The following UNC13C variants were observed in gnomAD, a reference collection of about 807,000 sequenced individuals.
UNC13C encodes the protein protein unc-13 homolog C.
Under a neutral mutation model 245.4 loss-of-function variants are expected in UNC13C, and 174 were observed. That is an observed-to-expected ratio of 0.71 (90% CI 0.63 to 0.80). The LOEUF (loss-of-function observed/expected upper bound fraction) is 0.80, where lower values mean the gene tolerates loss of function less well. UNC13C is among the 30% of genes least tolerant of loss of function. UNC13C has a pLI of 0.00. For missense variants in UNC13C, 2,829 were observed against 2,602.9 expected, an observed-to-expected ratio of 1.09 and a Z score of -1.89; for synonymous variants, 992 against 895.1, an observed-to-expected ratio of 1.11 and a Z score of -1.93.
intron 13 of UNC13C, among the ~76,000 whole-genome samples, chr15:54,308,390 A>G (rs2037780640): frequency 1.3e-5 from 2 of 151,944 alleles, no homozygotes; most frequent in African/African-American, 4.8e-5. Flanking sequence ...AAATTGATTG[A>G]TAAAATTTTA....
intron 13 of UNC13C, among the ~76,000 whole-genome samples, chr15:54,301,927 T>C (rs2037594651): frequency 6.6e-6 from 1 of 152,194 alleles, no homozygotes; most frequent in South Asian, 2.1e-4. Flanking sequence ...CATTCCTATT[T>C]CTCCACATCC....
At chr15:54,148,636 C>T (rs1444228243) in intron 4 of UNC13C, among the ~76,000 whole-genome samples, 2 of 152,166 alleles carry the variant, frequency 1.3e-5, no homozygotes, top group Admixed American at 1.3e-4. Flanking sequence ...CCTAACTTTT[C>T]TCATTGCAGC....
Position 54,250,233 on chromosome 15 carries a change from C to T in UNC13C, c.3237C>T (p.His1079=), listed in dbSNP as rs373479652. ...TSLNNEELKM[H]VFKKTLQALI... is the part of the protein sequence containing the mutation. The stretch of plus-strand genomic sequence containing the variant: ...TTCTCTCATGTTCACAGAAAATGCA[C>T]GTCTTCAAGAAGACCTTGCAGGCAC... The change falls in exon 8 of 33, where the codon CAC becomes CAT. Residue 1079 remains histidine (H), a synonymous_variant. Coordinates refer to ENST00000260323, the MANE Select transcript of UNC13C (RefSeq NM_001080534.3). 1.3e-5 allele frequency: 21 copies of T among 1,613,814 alleles called. No individual in the cohort carries two copies. Among genetic ancestry groups the T allele is most frequent in the South Asian group, 4.4e-5 (4 of 91,072 alleles).
the UNC13C span, among the ~76,000 whole-genome samples, chr15:53,928,265 A>C: frequency 3.9e-5 from 6 of 152,206 alleles, no homozygotes; most frequent in Non-Finnish European, 8.8e-5. Context: ...AATTAACTAA[A>C]AGTATCCCTT....
chr15:54,385,158 G>A (rs1472232397), intron 17 of UNC13C, among the ~76,000 whole-genome samples: 1 of 152,082 alleles, frequency 6.6e-6, no homozygotes, highest in Non-Finnish European at 1.5e-5. Context: ...ATTTATTGCA[G>A]CATTATTCAC....
the UNC13C span, among the ~76,000 whole-genome samples, chr15:53,910,486 G>A: frequency 2.0e-5 from 3 of 146,858 alleles, 1 homozygote; most frequent in Non-Finnish European, 4.6e-5. Context: ...CTGTGCACAA[G>A]AGACATGGCT....
chr15:54,294,462 G>A lies in UNC13C; in HGVS notation c.3988+398G>A, dbSNP rs565825064. ...GAAATTTTGGCAATGAAGGAAAAAT[G>A]TATTTTGAATTGCTTTCAAATGACG... On this transcript the variant is annotated intron_variant, in intron 11 of 32. Coordinates refer to ENST00000260323, the MANE Select transcript of UNC13C (RefSeq NM_001080534.3). Among the ~76,000 whole-genome samples the A allele has an allele frequency of 4.6e-5, 7 of 152,144 alleles. No individual in the cohort carries two copies. In the East Asian group the frequency reaches 1.4e-3, roughly 29 times the overall value.
chr15:54,532,964 T>C lies in UNC13C; in HGVS notation c.5594T>C (p.Leu1865Pro), dbSNP rs1159199177. 6.3e-7 allele frequency: 1 copy of C among 1,594,338 alleles called. No individual in the cohort carries two copies. Among genetic ancestry groups the C allele is most frequent in the Non-Finnish European group, 8.6e-7 (1 of 1,167,294 alleles). The change falls in exon 26 of 33, where the codon CTA becomes CCA. Residue 1865 changes from leucine to proline, a missense_variant. Leu to Pro is a moderately conservative substitution (Grantham distance 98, BLOSUM62 -3). Coordinates refer to ENST00000260323, the MANE Select transcript of UNC13C (RefSeq NM_001080534.3). ...TGTATAAAACAGATGAGTTTCGAAC[T>C]AAATCAAATGAGAGCAAATGGAAAC... ...EECIKQMSFE[L>P]NQMRANGNTT... is the part of the protein sequence containing the mutation.
At chr15:54,284,148 A>C (rs1390510286) in intron 10 of UNC13C, among the ~76,000 whole-genome samples, 2 of 152,206 alleles carry the variant, frequency 1.3e-5, no homozygotes, top group Admixed American at 6.5e-5. Context: ...GAAAGAACAC[A>C]TATCGCCACT....
At chr15:54,462,572 C>T (rs907444757) in intron 19 of UNC13C, among the ~76,000 whole-genome samples, 2 of 152,196 alleles carry the variant, frequency 1.3e-5, no homozygotes, top group Middle Eastern at 3.2e-3. Flanking sequence ...CCCCCGGCCC[C>T]GGGGAGTGAG....
intron 8 of UNC13C, among the ~76,000 whole-genome samples, chr15:54,257,904 G>T (rs1435225455): frequency 6.6e-6 from 1 of 152,136 alleles, no homozygotes; most frequent in Non-Finnish European, 1.5e-5. Flanking sequence ...GGTAGGGAAT[G>T]GCAACTGAAT....
chr15:54,122,699 T>C (rs1461302316), intron 2 of UNC13C, among the ~76,000 whole-genome samples: 2 of 152,096 alleles, frequency 1.3e-5, no homozygotes, highest in Non-Finnish European at 2.9e-5. Context: ...TTGCTTGATC[T>C]TGAATTTCAA....
chr15:54,005,633 G>T (rs1031553663), intron 1 of UNC13C, among the ~76,000 whole-genome samples: 3 of 152,162 alleles, frequency 2.0e-5, no homozygotes, highest in Non-Finnish European at 4.4e-5. Context: ...AAATATCATG[G>T]TTCAGACTAT....
At chr15:54,266,101 A>C (rs2036543621) in intron 10 of UNC13C, among the ~76,000 whole-genome samples, 8 of 152,058 alleles carry the variant, frequency 5.3e-5, no homozygotes, top group African/African-American at 1.9e-4. Flanking sequence ...TGGTAGAAGT[A>C]AAAATTCCTA....
At chr15:54,255,065 T>C (rs1438659216) in intron 8 of UNC13C, among the ~76,000 whole-genome samples, 1 of 151,914 alleles carries the variant, frequency 6.6e-6, no homozygotes, top group East Asian at 1.9e-4. Flanking sequence ...TCTAGGGGAG[T>C]ATACAGATGG....
At chr15:53,875,936 A>G in the UNC13C span, among the ~76,000 whole-genome samples, 1 of 152,228 alleles carries the variant, frequency 6.6e-6, no homozygotes, top group African/African-American at 2.4e-5. Flanking sequence ...AAAAGGTGGT[A>G]AGGAAAGGAT....
intron 19 of UNC13C, among the ~76,000 whole-genome samples, chr15:54,462,479 G>A (rs1596418022): frequency 6.6e-6 from 1 of 152,284 alleles, no homozygotes; most frequent in East Asian, 1.9e-4. Context: ...CGGAACCGGG[G>A]CTACGCACTG....
At chr15:54,613,088 C>G (rs1454116117) in intron 30 of UNC13C, among the ~76,000 whole-genome samples, 2 of 151,660 alleles carry the variant, frequency 1.3e-5, no homozygotes, top group Non-Finnish European at 3.0e-5. Flanking sequence ...AACATAATTA[C>G]CTACATAGAA....
At chr15:54,214,792 A>G (rs912851025) in intron 4 of UNC13C, among the ~76,000 whole-genome samples, 2 of 151,908 alleles carry the variant, frequency 1.3e-5, no homozygotes, top group African/African-American at 4.8e-5. Flanking sequence ...TTTTCCTGAG[A>G]TTACTACAAA....
Sources: gnomAD v4.1 joint callset for allele counts (sites outside exome capture counted in the v4.1 genomes callset) on GRCh38, gnomAD v4.1.1 for gene constraint, MANE v1.5 for transcripts, NCBI Gene and HGNC (gene_info 2026-07-23, HGNC 2026-07-21) for gene names.